Variants in STK32C observed in about 807,000 individuals in gnomAD.
STK32C encodes the protein serine/threonine kinase 32C, also known as serine/threonine-protein kinase 32C.
In STK32C, 31 loss-of-function variants were observed where a neutral mutation model predicts 56.5. The observed-to-expected ratio is 0.55, with a 90% CI of 0.41 to 0.74. STK32C has a LOEUF of 0.74. Ranked by LOEUF, STK32C falls within the 30% of genes least tolerant of loss-of-function variation. STK32C has a pLI of 0.00. For synonymous variants in STK32C, 309 were observed against 289.4 expected, an observed-to-expected ratio of 1.07 and a Z score of -0.69; for missense variants, 544 against 676.9, an observed-to-expected ratio of 0.80 and a Z score of 2.18.
At chr10:132,266,658 G>T (rs2064541384) in intron 1 of STK32C, among the ~76,000 whole-genome samples, 1 of 152,004 alleles carries the variant, frequency 6.6e-6, no homozygotes, top group Non-Finnish European at 1.5e-5. Flanking sequence ...CCCGAGCCCT[G>T]GGGGAGGAAC....
chr10:132,228,977 C>T (rs1228743782), intron 2 of STK32C, among the ~76,000 whole-genome samples: 1 of 152,236 alleles, frequency 6.6e-6, no homozygotes, highest in Non-Finnish European at 1.5e-5. Context: ...TCATCGGTGT[C>T]AACACTGATG....
At chr10:132,221,748 G>A (rs1389964059) in intron 10 of STK32C, among the ~76,000 whole-genome samples, 3 of 130,246 alleles carry the variant, frequency 2.3e-5, no homozygotes, top group African/African-American at 3.0e-5. Flanking sequence ...GGCCGTCCCT[G>A]CACACACAAC....
intron 2 of STK32C, among the ~76,000 whole-genome samples, chr10:132,236,051 CT>C (rs1186471525): frequency 2.0e-5 from 3 of 152,128 alleles, no homozygotes; most frequent in African/African-American, 7.2e-5. Context: ...GACCCGGGTG[CT>C]TGTGGGGGGT....
chr10:132,231,985 CG>C (rs2063117660), intron 2 of STK32C, among the ~76,000 whole-genome samples: 1 of 152,258 alleles, frequency 6.6e-6, no homozygotes, highest in African/African-American at 2.4e-5. Context: ...CACTGAGCTA[CG>C]GAACTTGGTT....
At chr10:132,228,564 A>G (rs2137737429) in intron 2 of STK32C, among the ~76,000 whole-genome samples, 1 of 152,376 alleles carries the variant, frequency 6.6e-6, no homozygotes, top group Admixed American at 6.5e-5. Context: ...CGTGAGTTGG[A>G]GCCAAGCAGT....
intron 1 of STK32C, among the ~76,000 whole-genome samples, chr10:132,288,177 G>C (rs1000650035): frequency 2.0e-5 from 3 of 152,036 alleles, no homozygotes; most frequent in African/African-American, 7.2e-5. Flanking sequence ...GTGAGGGAGG[G>C]AAGAAGAGGG....
chr10:132,232,976 G>A (rs1287685794), intron 2 of STK32C, among the ~76,000 whole-genome samples: 1 of 152,170 alleles, frequency 6.6e-6, no homozygotes, highest in African/African-American at 2.4e-5. Flanking sequence ...TTCCCCAGAA[G>A]CAAATGCCTG....
chr10:132,261,001 G>A (rs2064284592), intron 1 of STK32C, among the ~76,000 whole-genome samples: 2 of 152,228 alleles, frequency 1.3e-5, no homozygotes, highest in African/African-American at 4.8e-5. Flanking sequence ...CCCTGGGGCT[G>A]GGGGAAGCTG....
chr10:132,283,215 C>T (rs1200773737), intron 1 of STK32C, among the ~76,000 whole-genome samples: 2 of 152,252 alleles, frequency 1.3e-5, no homozygotes, highest in Non-Finnish European at 2.9e-5. Context: ...GCTCTGTGAG[C>T]GCTACTGAAG....
At chr10:132,282,875 G>A (rs1045356781) in intron 1 of STK32C, among the ~76,000 whole-genome samples, 3 of 152,248 alleles carry the variant, frequency 2.0e-5, no homozygotes, top group African/African-American at 2.4e-5. Context: ...CACAGCACAG[G>A]CTACAGCAAC....
chr10:132,226,710 C>A (rs1397237407), intron 4 of STK32C, 85 bp downstream of exon 4: 4 of 1,499,954 alleles, frequency 2.7e-6, no homozygotes, highest in African/African-American at 2.7e-5. Context: ...TGAGGGAGTA[C>A]GGCCGCCGTG....
intron 1 of STK32C, among the ~76,000 whole-genome samples, chr10:132,300,790 C>T (rs1264950008): frequency 3.9e-5 from 6 of 152,148 alleles, no homozygotes; most frequent in African/African-American, 9.7e-5. Flanking sequence ...CAGCCAGAGC[C>T]GAACAAGGCG....
Position 132,225,619 on chromosome 10 carries a change from G to A in STK32C, c.683-3C>T. ...GAAGTCGGTCAGGTGTGCATGTCCT[G>A]TGCAGAGAGGGGTCAGGTGTGGCTG... On this transcript the variant is annotated splice_region_variant and splice_polypyrimidine_tract_variant and intron_variant, in intron 5 of 11. Coordinates refer to ENST00000298630, the MANE Select transcript of STK32C (RefSeq NM_173575.4). The A allele has an allele frequency of 6.2e-7, 1 of 1,611,122 alleles. No individual in the cohort carries two copies. Among genetic ancestry groups the A allele is most frequent in the Non-Finnish European group, 8.5e-7 (1 of 1,177,838 alleles).
In STK32C at chr10:132,307,448, A is replaced by C; in HGVS notation, c.262+124T>G. ...AGCCACCCGGCGCGAGCTTCTCCGG[A>C]AGCCGGGGCGCCCCGGGAAGCCGTC... On this transcript the variant is annotated intron_variant, in intron 1 of 11. Transcript: ENST00000298630. This position sits in a 1 kb window ranked among gnomAD's most constrained non-coding sequence, Gnocchi z 4.4. 9.0e-7 allele frequency: 1 copy of C among 1,112,340 alleles called. No individual in the cohort carries two copies. The highest frequency in any genetic ancestry group is 1.2e-6 in the Non-Finnish European group (1 of 848,578). 68.9% of individuals were successfully genotyped at this position (1,112,340 alleles called of 1,614,324 possible). A position where few individuals can be genotyped will look rare whatever the true frequency, so the allele number is the denominator to read the frequency against.
intron 1 of STK32C, among the ~76,000 whole-genome samples, chr10:132,259,040 G>A (rs1449710674): frequency 1.6e-5 from 2 of 126,274 alleles, no homozygotes; most frequent in Non-Finnish European, 3.2e-5. Flanking sequence ...TGCTGCACCG[G>A]GTACTGGGGG....
At chr10:132,212,769 G>T (rs555221915) in intron 10 of STK32C, among the ~76,000 whole-genome samples, 7 of 152,234 alleles carry the variant, frequency 4.6e-5, no homozygotes, top group Admixed American at 4.6e-4. Context: ...AACGTGGAAG[G>T]CCTCACTCCC....
intron 10 of STK32C, among the ~76,000 whole-genome samples, chr10:132,209,625 T>G (rs2062225114): frequency 6.7e-6 from 1 of 148,450 alleles, no homozygotes; most frequent in South Asian, 2.2e-4. Flanking sequence ...CAGGCAGGAC[T>G]ACTTCCTTCA....
At chr10:132,294,076 G>A (rs376482913) in intron 1 of STK32C, among the ~76,000 whole-genome samples, 29 of 152,318 alleles carry the variant, frequency 1.9e-4, no homozygotes, top group Admixed American at 1.2e-3. Flanking sequence ...GAGGGTGGAC[G>A]GAAAAGCCTG....
At chr10:132,209,228 T>C (rs1256669076) in intron 10 of STK32C, 127 bp from the exon 11 acceptor site, 3 of 852,512 alleles carry the variant, frequency 3.5e-6, no homozygotes, top group Admixed American at 2.0e-5. Flanking sequence ...GCCTCTGGGC[T>C]ATTGAAGTGC....
Sources: allele counts gnomAD v4.1 joint callset (sites outside exome capture counted in the v4.1 genomes callset), GRCh38; gene constraint gnomAD v4.1.1; non-coding constraint Gnocchi (gnomAD v3.1); transcripts MANE v1.5; gene names NCBI Gene and HGNC (gene_info 2026-07-23, HGNC 2026-07-21).